The following DNAAF1 variants were observed in gnomAD, a reference collection of about 807,000 sequenced individuals.
DNAAF1 encodes the protein dynein assembly factor 1, axonemal.
Under a neutral mutation model 71.1 loss-of-function variants are expected in DNAAF1, and 65 were observed. The observed-to-expected ratio is 0.91, with a 90% CI of 0.75 to 1.12. The LOEUF is 1.12. DNAAF1 is among the 50% of genes most tolerant of loss of function. The probability of loss-of-function intolerance (pLI) is 0.00; values close to 1 mark genes in which losing one functional copy is unlikely to be tolerated. For synonymous variants in DNAAF1, 414 were observed against 354.6 expected (o/e 1.17, Z -1.88); for missense variants, 1,178 against 899.8 (o/e 1.31, Z -3.96).
At chr16:84,150,015 A>C (rs112100519) in intron 2 of DNAAF1, among the ~76,000 whole-genome samples, 11 of 151,578 alleles carry the variant, frequency 7.3e-5, no homozygotes, top group Admixed American at 7.2e-4. Context: ...ATAGAGTGAG[A>C]CTCTGTCTCA....
In DNAAF1 at chr16:84,170,416, G is replaced by A. The variant is rs565705604; in HGVS notation, c.1528+60G>A. The A allele has an allele frequency of 5.3e-5, 86 of 1,610,412 alleles. No homozygotes were observed. The African/African-American group carries it at 7.5e-4, about 14-fold the overall frequency. On this transcript the variant is annotated intron_variant, in intron 8 of 11. Coordinates refer to ENST00000378553, the MANE Select transcript of DNAAF1 (RefSeq NM_178452.6). Reference sequence around the variant, plus strand: ...CACCTCTCAGGGAGCCCCAGCCTTCGACTCACGTCTCTGTGGGACCTGGGG... The same window carrying A: ...CACCTCTCAGGGAGCCCCAGCCTTCAACTCACGTCTCTGTGGGACCTGGGG...
Position 84,165,917 on chromosome 16 carries a change from A to G in DNAAF1, c.998A>G (p.Glu333Gly). 1 of 1,613,354 alleles carries G rather than the reference A, an allele frequency of 6.2e-7. No individual in the cohort carries two copies. Among genetic ancestry groups the G allele is most frequent in the South Asian group, 1.1e-5 (1 of 91,050 alleles). ...ALAMIKQRAE[E>G]RKRQRESQER... ...GCCATGATCAAGCAGCGGGCAGAGG[A>G]GAGGAAAAGACAGAGAGAGAGTCAA... Residue 333 changes from glutamate (E) to glycine (G), a missense_variant, in exon 7 of 12, where the codon GAG (glutamate) becomes GGG (glycine). Coordinates refer to ENST00000378553, the MANE Select transcript of DNAAF1 (RefSeq NM_178452.6).
At chr16:84,152,146 C>T (rs2087214963) in intron 3 of DNAAF1, among the ~76,000 whole-genome samples, 1 of 152,074 alleles carries the variant, frequency 6.6e-6, no homozygotes, top group South Asian at 2.1e-4. Context: ...GAGACTTTAG[C>T]CAGGTGGTTG....
intron 1 of DNAAF1, among the ~76,000 whole-genome samples, chr16:84,148,596 C>CTTTTTTTTTTTTTTTATTTTTTTTTTT (rs2087032685): frequency 2.3e-5 from 1 of 43,576 alleles, no homozygotes; most frequent in Non-Finnish European, 4.1e-5. Flanking sequence ...CTCTCTCTCT[C>CTTTTTTTTTTTTTTTATTTTTTTTTTT]TTTTTTTTTT....
chr16:84,158,060 C>A (rs1290998080), intron 5 of DNAAF1, among the ~76,000 whole-genome samples: 1 of 151,962 alleles, frequency 6.6e-6, no homozygotes. Flanking sequence ...AAAAAATTAG[C>A]CGGGCGTGGT....
chr16:84,150,514 C>T (rs2087132708), intron 3 of DNAAF1, among the ~76,000 whole-genome samples, 172 bp downstream of exon 3: 1 of 152,004 alleles, frequency 6.6e-6, no homozygotes, highest in African/African-American at 2.4e-5. Context: ...AAGAAAAAGT[C>T]TTGCCTGACC....
intron 2 of DNAAF1, among the ~76,000 whole-genome samples, chr16:84,149,656 A>C (rs1213230644): frequency 2.2e-5 from 3 of 136,404 alleles, no homozygotes; most frequent in Non-Finnish European, 4.6e-5. Context: ...ATACCACTGC[A>C]CTCCAGCCCG....
intron 6 of DNAAF1, among the ~76,000 whole-genome samples, chr16:84,165,027 T>C (rs1453804384): frequency 2.0e-5 from 3 of 152,256 alleles, no homozygotes; most frequent in Non-Finnish European, 4.4e-5. Context: ...GGAGCATCTT[T>C]TCACAGGCTT....
At chr16:84,146,296 C>G (rs1703863096) in intron 1 of DNAAF1, among the ~76,000 whole-genome samples, 1 of 152,184 alleles carries the variant, frequency 6.6e-6, no homozygotes, top group African/African-American at 2.4e-5. Context: ...TGTGTCAGGG[C>G]AAGACATCTT....
At chr16:84,171,320 T>A (rs139474174) in intron 8 of DNAAF1, among the ~76,000 whole-genome samples, 1 of 151,998 alleles carries the variant, frequency 6.6e-6, no homozygotes, top group East Asian at 1.9e-4. Flanking sequence ...CTGGGCATAG[T>A]GGTGACCACT....
intron 6 of DNAAF1, among the ~76,000 whole-genome samples, chr16:84,160,951 A>G (rs1202737704): frequency 6.6e-6 from 1 of 151,910 alleles, no homozygotes; most frequent in African/African-American, 2.4e-5. Flanking sequence ...AAAAAAAAAA[A>G]AAGAAAACCA....
At chr16:84,148,879 C>A in intron 1 of DNAAF1, 128 bp from the exon 2 acceptor site, 2 of 1,101,854 alleles carry the variant, frequency 1.8e-6, no homozygotes, top group Non-Finnish European at 2.7e-6. Flanking sequence ...CCTGAGCCAC[C>A]ATACCCAGCC....
chr16:84,177,878 A>G lies in DNAAF1; in HGVS notation c.*37A>G, dbSNP rs2088825710. ...TATATGTAGCATAAATGGTTTAATCATAAATGTCTCCCTTAGGCATGATAA... is the reference window on the plus strand; with the variant it reads ...TATATGTAGCATAAATGGTTTAATCGTAAATGTCTCCCTTAGGCATGATAA... On this transcript the variant is annotated 3_prime_UTR_variant, in exon 12 of 12. Coordinates refer to ENST00000378553, the MANE Select transcript of DNAAF1 (RefSeq NM_178452.6). 4 of 1,510,856 alleles carry G rather than the reference A, an allele frequency of 2.6e-6. No individual in the cohort carries two copies. The highest frequency in any genetic ancestry group is 3.3e-5 in the Admixed American group (2 of 59,862). 93.6% of individuals were successfully genotyped at this position (1,510,856 alleles called of 1,614,324 possible).
chr16:84,150,192 A>G, intron 2 of DNAAF1, 59 bp from the exon 3 acceptor site: 2 of 1,299,352 alleles, frequency 1.5e-6, no homozygotes, highest in Non-Finnish European at 2.2e-6. Flanking sequence ...GAACTGTGAG[A>G]ATATGTTTTA....
intron 7 of DNAAF1, among the ~76,000 whole-genome samples, chr16:84,166,699 A>G (rs34427724): frequency 1.3e-5 from 2 of 152,012 alleles, no homozygotes; most frequent in Non-Finnish European, 2.9e-5. Context: ...CCATTTCCTC[A>G]CAACCTGCAG....
chr16:84,173,058 C>A (rs2151274493), intron 9 of DNAAF1: 2 of 989,766 alleles, frequency 2.0e-6, no homozygotes, highest in South Asian at 9.2e-5. Flanking sequence ...TTTCTGGGTA[C>A]CTCTGACCTT....
At chr16:84,157,670 G>A (rs1268901070) in intron 5 of DNAAF1, among the ~76,000 whole-genome samples, 1 of 151,974 alleles carries the variant, frequency 6.6e-6, no homozygotes, top group South Asian at 2.1e-4. Flanking sequence ...ACTAAAACTA[G>A]CACACAAAAA....
rs570007327 is a variant in DNAAF1 at position 84,160,546 on chromosome 16, C to G, written c.863+750C>G. ...ATAATCCGAATTTTGCATTATACAA[C>G]ATTTAAAATAAATGTAGCTTGTAAT... On this transcript the variant is annotated intron_variant, in intron 6 of 11. Transcript: ENST00000378553. Among the ~76,000 whole-genome samples, 101 of 152,274 alleles carry G rather than the reference C, an allele frequency of 6.6e-4. 2 individuals are homozygous for G. Among genetic ancestry groups the G allele is most frequent in the African/African-American group, 2.2e-3 (92 of 41,554 alleles).
chr16:84,166,887 C>G (rs912813640), intron 7 of DNAAF1, among the ~76,000 whole-genome samples: 1 of 152,226 alleles, frequency 6.6e-6, no homozygotes, highest in African/African-American at 2.4e-5. Flanking sequence ...CTCCCACACT[C>G]TCAACACTCA....
Sources: allele counts gnomAD v4.1 joint callset (sites outside exome capture counted in the v4.1 genomes callset), GRCh38; gene constraint gnomAD v4.1.1; transcripts MANE v1.5; gene names NCBI Gene and HGNC (gene_info 2026-07-23, HGNC 2026-07-21).